The following PPAT variants were observed in gnomAD, a reference collection of about 807,000 sequenced individuals.
The protein encoded by PPAT is amidophosphoribosyltransferase.
PPAT carries 20 observed loss-of-function variants against 60.2 expected under a neutral mutation model. The observed-to-expected ratio is 0.33, with a 90% CI of 0.23 to 0.48. The LOEUF is 0.48. PPAT is among the 20% of genes least tolerant of loss of function. The pLI is 0.99. For synonymous variants in PPAT, 194 were observed against 215.1 expected, an observed-to-expected ratio of 0.90 and a Z score of 0.86; for missense variants, 349 against 629.6, an observed-to-expected ratio of 0.55 and a Z score of 4.77.
At chr4:56,401,229 C>T in intron 7 of PPAT, 101 bp downstream of exon 7, 1 of 1,093,298 alleles carries the variant, frequency 9.1e-7, no homozygotes, top group Non-Finnish European at 1.3e-6. Flanking sequence ...TAACTATATG[C>T]CTTCAAAGAG....
At position 56,396,582 on chromosome 4, in the gene PPAT, G is replaced by T; in HGVS notation, c.1357+37C>A. The stretch of plus-strand genomic sequence containing the variant: ...GACTGTCAAGCTTTGGATTTTCTCT[G>T]TTAATAATCAAAGTTTATAGAAATT... On this transcript the variant is annotated intron_variant, in intron 10 of 10. Coordinates refer to ENST00000264220, the MANE Select transcript of PPAT (RefSeq NM_002703.5). The surrounding 1 kb of genome is among the most constrained non-coding windows in gnomAD (Gnocchi z 4.6). 1 of 1,560,276 alleles carries T rather than the reference G, an allele frequency of 6.4e-7. No individual in the cohort carries two copies. Among genetic ancestry groups the T allele is most frequent in the East Asian group, 2.2e-5 (1 of 44,446 alleles).
At position 56,396,320 on chromosome 4, in the gene PPAT, G is replaced by A. The variant is rs141632507; in HGVS notation, c.1357+299C>T. The A allele has an allele frequency of 1.0e-3, 201 of 192,886 alleles. 1 individual carries two copies. The highest frequency in any genetic ancestry group is 3.9e-3 in the African/African-American group (167 of 42,928). 11.9% of individuals were successfully genotyped at this position (192,886 alleles called of 1,614,324 possible). A position where few individuals can be genotyped will look rare whatever the true frequency, so the allele number is the denominator to read the frequency against. ...GTTAGAATCTGATTAAATTATTTTT[G>A]TTTTTCTTGGGATCTGACTTTTGGG... On this transcript the variant is annotated intron_variant, in intron 10 of 10. Coordinates refer to ENST00000264220, the MANE Select transcript of PPAT (RefSeq NM_002703.5). This position sits in a 1 kb window ranked among gnomAD's most constrained non-coding sequence, Gnocchi z 4.6.
rs1716054857 is a variant in PPAT at position 56,399,179 on chromosome 4, C to T, written c.1236G>A (p.Glu412=). 2 of 1,602,304 alleles carry T rather than the reference C, an allele frequency of 1.2e-6. No individual in the cohort carries two copies. Among genetic ancestry groups the T allele is most frequent in the African/African-American group, 2.7e-5 (2 of 74,666 alleles). The change falls in exon 9 of 11, where the codon GAG becomes GAA. Residue 412 remains glutamate (E), a splice_region_variant and synonymous_variant. Coordinates refer to ENST00000264220, the MANE Select transcript of PPAT (RefSeq NM_002703.5). ...TAGGATATGTTTTAATATTACTTAC[C>T]TCTTTTGCACCAGATTCTTTGAGCA... ...IKLLKESGAK[E]VHIRVASPPI...
At chr4:56,402,959 C>T (rs878886510) in intron 5 of PPAT, 81 bp downstream of exon 5, 4 of 1,330,704 alleles carry the variant, frequency 3.0e-6, no homozygotes, top group Admixed American at 2.6e-5. Flanking sequence ...ACTTTCTATA[C>T]CTAAAGATTT....
In PPAT at chr4:56,435,363, C is replaced by T; in HGVS notation, c.115G>A (p.Gly39Arg). ...CCTGTTGCTCACCGGTGCTGCAGCC[C>T]CACGAGTCCCAGAGTGATCACATGC... is the stretch of plus-strand genomic sequence containing the variant. ...VPHVITLGLV[G>R]LQHRGQESAG... The change falls in exon 1 of 11, where the codon GGG becomes AGG. Residue 39 changes from glycine (G) to arginine (R), a missense_variant. Physicochemically the swap from Gly to Arg is moderately radical, Grantham distance 125 (BLOSUM62 -2). Around this residue, in one of 5 missense-constraint regions of PPAT, gnomAD observed 115 missense variants for 174.5 expected, o/e 0.66. Transcript: ENST00000264220. 6.2e-7 allele frequency: 1 copy of T among 1,613,802 alleles called. No homozygotes were observed. Among genetic ancestry groups the T allele is most frequent in the South Asian group, 1.1e-5 (1 of 91,064 alleles).
chr4:56,433,564 T>C (rs962030419), intron 1 of PPAT, among the ~76,000 whole-genome samples: 1 of 151,524 alleles, frequency 6.6e-6, no homozygotes, highest in Non-Finnish European at 1.5e-5. Context: ...GGATGAAAAT[T>C]TCTTGAATAA....
rs1715879094 is a variant in PPAT at position 56,393,470 on chromosome 4, T to A, written c.*1882A>T. 6.6e-6 allele frequency: 1 copy of A among 152,186 alleles called. No individual in the cohort carries two copies. The highest frequency in any genetic ancestry group is 1.5e-5 in the Non-Finnish European group (1 of 68,036). The allele number at this position is 152,186 out of a possible 1,614,324, so 9.4% of individuals were successfully genotyped here. On this transcript the variant is annotated 3_prime_UTR_variant, in exon 11 of 11. Coordinates refer to ENST00000264220, the MANE Select transcript of PPAT (RefSeq NM_002703.5). ...AAATCCCGTGAAAACACATTTTTCA[T>A]CTCTGCAGTTTATAATACTCTACGT...
At chr4:56,427,336 GA>G (rs1292129634) in intron 1 of PPAT, among the ~76,000 whole-genome samples, 1 of 152,092 alleles carries the variant, frequency 6.6e-6, no homozygotes, top group Non-Finnish European at 1.5e-5. Context: ...GTTTTTATGT[GA>G]ACATGTTTTC....
chr4:56,401,632 TA>T, intron 6 of PPAT, 151 bp from the exon 7 acceptor site: 2 of 701,030 alleles, frequency 2.9e-6, no homozygotes, highest in Non-Finnish European at 4.6e-6. Flanking sequence ...TTTAAAGTGG[TA>T]TGTCTCCTGC....
At chr4:56,410,630 A>G (rs868369730) in intron 1 of PPAT, 1 of 984,764 alleles carries the variant, frequency 1.0e-6, no homozygotes. Flanking sequence ...AAATAAAGGA[A>G]TATTTATTTA....
At chr4:56,424,205 G>A (rs1395397062) in intron 1 of PPAT, among the ~76,000 whole-genome samples, 2 of 152,116 alleles carry the variant, frequency 1.3e-5, no homozygotes, top group African/African-American at 4.8e-5. Context: ...TATGCTATAA[G>A]CCATAAGCTT....
rs554702793 is a variant in PPAT, at chr4:56,403,394, C to T, written c.410G>A (p.Arg137His). The change falls in exon 4 of 11, where the codon CGT becomes CAT. Residue 137 changes from arginine (R) to histidine (H), a missense_variant. Physicochemically the swap from Arg to His is conservative, Grantham distance 29 (BLOSUM62 0). Transcript: ENST00000264220. ...ACTTGTAGACAGACCAATACCATGACGCAGAAGCTATATAGAAAAAAAGAG... is the reference window on the plus strand; with the variant it reads ...ACTTGTAGACAGACCAATACCATGATGCAGAAGCTATATAGAAAAAAAGAG... ...NAARLRKKLLRHGIGLSTSSD... is the reference protein window; with the variant it reads ...NAARLRKKLLHHGIGLSTSSD... The T allele has an allele frequency of 5.0e-6, 8 of 1,610,922 alleles. No homozygotes were observed. The highest frequency in any genetic ancestry group is 2.2e-5 in the East Asian group (1 of 44,852).
intron 1 of PPAT, chr4:56,410,914 A>AG: frequency 1.0e-6 from 1 of 977,760 alleles, no homozygotes; most frequent in Non-Finnish European, 1.2e-6. Flanking sequence ...AAAAAAAAAA[A>AG]AAAAAAAAAA....
At chr4:56,434,118 A>C (rs1717763471) in intron 1 of PPAT, among the ~76,000 whole-genome samples, 1 of 152,244 alleles carries the variant, frequency 6.6e-6, no homozygotes, top group Non-Finnish European at 1.5e-5. Context: ...GAAATCTATT[A>C]TGGTCAACCC....
At chr4:56,418,929 A>T (rs1716903812) in intron 1 of PPAT, among the ~76,000 whole-genome samples, 1 of 152,222 alleles carries the variant, frequency 6.6e-6, no homozygotes, top group Non-Finnish European at 1.5e-5. Flanking sequence ...TTTCTGACAC[A>T]TTTCCCTACC....
Position 56,400,766 on chromosome 4 carries a change from T to C in PPAT, c.1014+18A>G, listed in dbSNP as rs775923611. 134 of 1,606,298 alleles carry C rather than the reference T, an allele frequency of 8.3e-5. No homozygotes were observed. The highest frequency in any genetic ancestry group is 1.1e-4 in the Non-Finnish European group (131 of 1,175,076). On this transcript the variant is annotated intron_variant, in intron 8 of 10. Coordinates refer to ENST00000264220, the MANE Select transcript of PPAT (RefSeq NM_002703.5). ...AGCTGGGAGAGCAATTCACTGCATGTTAATTAAGAGAAAATACCTTTCCTG... is the reference window on the plus strand; with the variant it reads ...AGCTGGGAGAGCAATTCACTGCATGCTAATTAAGAGAAAATACCTTTCCTG...
At chr4:56,399,575 A>C (rs956419481) in intron 8 of PPAT, 175 bp from the exon 9 acceptor site, 29 of 543,318 alleles carry the variant, frequency 5.3e-5, no homozygotes, top group Non-Finnish European at 7.4e-5. Context: ...TGGTGGAAAA[A>C]CCAATTCATT....
intron 1 of PPAT, chr4:56,419,690 C>T (rs1436277251): frequency 6.1e-6 from 6 of 983,580 alleles, no homozygotes; most frequent in South Asian, 4.7e-5. Flanking sequence ...GAGGAAAGCA[C>T]TGGACTGTGC....
At position 56,396,440 on chromosome 4, in the gene PPAT, CTG is replaced by C. The variant is rs1199972113; in HGVS notation, c.1357+177_1357+178del. 26 of 528,766 alleles carry C rather than the reference CTG, an allele frequency of 4.9e-5. No homozygotes were observed. Among genetic ancestry groups the C allele is most frequent in the Non-Finnish European group, 8.1e-5 (26 of 322,954 alleles). 32.8% of individuals were successfully genotyped at this position (528,766 alleles called of 1,614,324 possible). ...TGGCTTAGCTCTCCAACACAAGACT[CTG>C]TGGTGTCTGCCCATGCCCACTACTC... On this transcript the variant is annotated intron_variant, in intron 10 of 10. Coordinates refer to ENST00000264220, the MANE Select transcript of PPAT (RefSeq NM_002703.5). The surrounding 1 kb of genome is among the most constrained non-coding windows in gnomAD (Gnocchi z 4.6).
Sources: gnomAD v4.1 joint callset for allele counts (sites outside exome capture counted in the v4.1 genomes callset) on GRCh38, gnomAD v4.1.1 for gene constraint, gnomAD v4.1.1 regional missense constraint, Gnocchi (gnomAD v3.1) non-coding constraint, MANE v1.5 for transcripts, NCBI Gene and HGNC (gene_info 2026-07-23, HGNC 2026-07-21) for gene names.